The following PARD6B variants were observed in gnomAD, a reference collection of about 807,000 sequenced individuals.
PARD6B encodes partitioning defective 6 homolog beta.
PARD6B carries 4 observed loss-of-function variants against 10.5 expected under a neutral mutation model. That is an observed-to-expected ratio of 0.38 (90% CI 0.19 to 0.87). The LOEUF is 0.87. Ranked by LOEUF, PARD6B falls within the 40% of genes least tolerant of loss-of-function variation. The pLI is 0.41. For synonymous variants in PARD6B, 169 were observed against 170.4 expected (o/e 0.99, Z 0.07); for missense variants, 396 against 470.6 (o/e 0.84, Z 1.47).
In PARD6B at chr20:50,741,906, A is replaced by C. The variant is rs192621315; in HGVS notation, c.289+3827A>C. Among the ~76,000 whole-genome samples the C allele has an allele frequency of 2.1e-4, 32 of 152,178 alleles. No homozygotes were observed. In the East Asian group the frequency reaches 5.8e-3, roughly 28 times the overall value. ...TAACTAGAAATCTGATTTTATGTAA[A>C]CCTTAATGAACATTTAATTCAAGGA... On this transcript the variant is annotated intron_variant, in intron 2 of 2. Transcript: ENST00000371610.
Position 50,731,715 on chromosome 20 carries a change from C to T in PARD6B, c.-72C>T, listed in dbSNP as rs1483735882. ...GCAACCGCTTTCCGAGATCCCCAGTCGCGCACTCGCTCCCCGCGCTCCTGA... is the reference window on the plus strand; with the variant it reads ...GCAACCGCTTTCCGAGATCCCCAGTTGCGCACTCGCTCCCCGCGCTCCTGA... On this transcript the variant is annotated 5_prime_UTR_variant, in exon 1 of 3. Transcript: ENST00000371610. 4.6e-6 allele frequency: 6 copies of T among 1,317,918 alleles called. No homozygotes were observed. The African/African-American group carries it at 6.2e-5, about 14-fold the overall frequency. 81.6% of individuals were successfully genotyped at this position (1,317,918 alleles called of 1,614,324 possible).
intron 1 of PARD6B, among the ~76,000 whole-genome samples, chr20:50,737,034 A>G (rs538350022): frequency 6.6e-6 from 1 of 152,222 alleles, no homozygotes; most frequent in South Asian, 2.1e-4. Flanking sequence ...ACTTTTAATT[A>G]TTTGACATTG....
rs550975876 is a variant in PARD6B, at chr20:50,751,501, G to A, written c.*1013G>A. ...CTCCCAAGTAGCTGGGACTACAGGC[G>A]CCTGCCACCATGCCTGGCTAATTTT... On this transcript the variant is annotated 3_prime_UTR_variant, in exon 3 of 3. Coordinates refer to ENST00000371610, the MANE Select transcript of PARD6B (RefSeq NM_032521.3). 57 of 750,326 alleles carry A rather than the reference G, an allele frequency of 7.6e-5. No homozygotes were observed. The African/African-American group carries it at 1.0e-3, about 13-fold the overall frequency. 46.5% of individuals were successfully genotyped at this position (750,326 alleles called of 1,614,324 possible).
rs1239846795 is a variant in PARD6B at position 50,750,896 on chromosome 20, TGTG to T, written c.*411_*413del. 1 of 988,834 alleles carries T rather than the reference TGTG, an allele frequency of 1.0e-6. No homozygotes were observed. Among genetic ancestry groups the T allele is most frequent in the Admixed American group, 5.7e-5 (1 of 17,442 alleles). 61.3% of individuals were successfully genotyped at this position (988,834 alleles called of 1,614,324 possible). A position where few individuals can be genotyped will look rare whatever the true frequency, so the allele number is the denominator to read the frequency against. On this transcript the variant is annotated 3_prime_UTR_variant, in exon 3 of 3. Coordinates refer to ENST00000371610, the MANE Select transcript of PARD6B (RefSeq NM_032521.3). ...TCTAATGTGAAGTCTGATTCTCTCT[TGTG>T]GTACATTGGGGACCTCAGCTCTTAA... is the stretch of plus-strand genomic sequence containing the variant.
Position 50,750,822 on chromosome 20 carries a change from C to A in PARD6B, c.*334C>A. On this transcript the variant is annotated 3_prime_UTR_variant, in exon 3 of 3. Coordinates refer to ENST00000371610, the MANE Select transcript of PARD6B (RefSeq NM_032521.3). ...TGTTGGAAGTGGTTGCATATTTAAC[C>A]TGCTGTGCAGAGCCCAGTTAATTTT... 9.3e-7 allele frequency: 1 copy of A among 1,072,748 alleles called. No individual in the cohort carries two copies. Among genetic ancestry groups the A allele is most frequent in the Non-Finnish European group, 1.1e-6 (1 of 883,610 alleles). The allele number at this position is 1,072,748 out of a possible 1,614,324, so 66.5% of individuals were successfully genotyped here. A position where few individuals can be genotyped will look rare whatever the true frequency, so the allele number is the denominator to read the frequency against.
intron 2 of PARD6B, among the ~76,000 whole-genome samples, chr20:50,745,450 A>T (rs7272158): frequency 6.6e-6 from 1 of 152,040 alleles, no homozygotes; most frequent in Non-Finnish European, 1.5e-5. Flanking sequence ...ATCTCATTTA[A>T]CCATTTTATA....
chr20:50,746,895 A>G lies in PARD6B; in HGVS notation c.290-2764A>G, dbSNP rs78635981. ...CACAAATATGTATGATTTTGAGAAA[A>G]CACATTACCAGAAGACTATTCTTGA... On this transcript the variant is annotated intron_variant, in intron 2 of 2. Transcript: ENST00000371610. Among the ~76,000 whole-genome samples the G allele has an allele frequency of 6.7e-3, 1,026 of 152,282 alleles. 7 individuals are homozygous for G. The highest frequency in any genetic ancestry group is 0.02 in the Middle Eastern group (6 of 294).
Position 50,749,719 on chromosome 20 carries a change from C to T in PARD6B, c.350C>T (p.Thr117Ile). Reference sequence around the variant, plus strand: ...CTAATAAAGAAGAAGAATGTTTTAACCAACGTATTGCGTCCTGACAACCAT... The same window carrying T: ...CTAATAAAGAAGAAGAATGTTTTAATCAACGTATTGCGTCCTGACAACCAT... Reference protein sequence around the residue: ...DTLIKKKNVLTNVLRPDNHRK... With the variant: ...DTLIKKKNVLINVLRPDNHRK... Residue 117 changes from threonine (T) to isoleucine (I), a missense_variant, in exon 3 of 3, where the codon ACC (threonine) becomes ATC (isoleucine). Around this residue, in one of 2 missense-constraint regions of PARD6B, gnomAD observed 208 missense variants for 300.9 expected, o/e 0.69. Transcript: ENST00000371610. 1 of 1,613,354 alleles carries T rather than the reference C, an allele frequency of 6.2e-7. No homozygotes were observed. The highest frequency in any genetic ancestry group is 2.2e-5 in the East Asian group (1 of 44,890).
chr20:50,731,885 G>T (rs539508931), intron 1 of PARD6B, 33 bp downstream of exon 1: 1 of 1,391,428 alleles, frequency 7.2e-7, no homozygotes, highest in Non-Finnish European at 9.3e-7. Context: ...GGAGCGGCGG[G>T]CCTGGGGGGC....
At chr20:50,744,945 T>C (rs1370296422) in intron 2 of PARD6B, among the ~76,000 whole-genome samples, 2 of 152,212 alleles carry the variant, frequency 1.3e-5, no homozygotes, top group Non-Finnish European at 2.9e-5. Flanking sequence ...TCTCCTCTTT[T>C]AGATTGTAAG....
chr20:50,744,578 C>A (rs1470547331), intron 2 of PARD6B, among the ~76,000 whole-genome samples: 1 of 152,078 alleles, frequency 6.6e-6, no homozygotes, highest in Non-Finnish European at 1.5e-5. Flanking sequence ...TTGGTACTTC[C>A]CAGGAGGCCC....
chr20:50,749,698 TAAAG>T lies in PARD6B; in HGVS notation c.332_335del (p.Lys111ArgfsTer5). 3 of 1,610,990 alleles carry T rather than the reference TAAAG, an allele frequency of 1.9e-6. No homozygotes were observed. Among genetic ancestry groups the T allele is most frequent in the Non-Finnish European group, 2.5e-6 (3 of 1,179,198 alleles). On this transcript the variant is annotated frameshift_variant, in exon 3 of 3. Transcript: ENST00000371610. LOFTEE classifies it low-confidence loss of function (END_TRUNC). ...AGTGCCTTTGGTACAGACACGCTAA[TAAAG>T]AAGAAGAATGTTTTAACCAACGTAT...
chr20:50,735,667 G>GT (rs904046282), intron 1 of PARD6B, among the ~76,000 whole-genome samples: 8 of 151,300 alleles, frequency 5.3e-5, no homozygotes, highest in South Asian at 2.1e-4. Context: ...TTTCTCTTGG[G>GT]TTTTTTTTTC....
chr20:50,738,136 A>G (rs2087510461), intron 2 of PARD6B, 57 bp downstream of exon 2: 1 of 1,317,508 alleles, frequency 7.6e-7, no homozygotes, highest in African/African-American at 1.5e-5. Context: ...TATTTTCCCC[A>G]CTGAAAGGAT....
chr20:50,752,644 T>C lies in PARD6B; in HGVS notation c.*2156T>C. ...AGTTATTTATTAATTAACTTTATGG[T>C]AGGGCTAGTATGAATACCTTTTTAA... is the stretch of plus-strand genomic sequence containing the variant. On this transcript the variant is annotated 3_prime_UTR_variant, in exon 3 of 3. Coordinates refer to ENST00000371610, the MANE Select transcript of PARD6B (RefSeq NM_032521.3). 1 of 979,296 alleles carries C rather than the reference T, an allele frequency of 1.0e-6. No homozygotes were observed. The highest frequency in any genetic ancestry group is 1.2e-6 in the Non-Finnish European group (1 of 823,980). 60.7% of individuals were successfully genotyped at this position (979,296 alleles called of 1,614,324 possible). A position where few individuals can be genotyped will look rare whatever the true frequency, so the allele number is the denominator to read the frequency against.
rs556688996 is a variant in PARD6B, at chr20:50,750,698, G to A, written c.*210G>A. The A allele has an allele frequency of 1.2e-4, 159 of 1,347,158 alleles. No homozygotes were observed. In the South Asian group the frequency reaches 2.8e-3, roughly 23 times the overall value. 83.5% of individuals were successfully genotyped at this position (1,347,158 alleles called of 1,614,324 possible). ...GTGAATTTAAGTCCAAAACAAAGGGGCCTTTGCTGATGAAGTTACGTGCTT... is the reference window on the plus strand; with the variant it reads ...GTGAATTTAAGTCCAAAACAAAGGGACCTTTGCTGATGAAGTTACGTGCTT... On this transcript the variant is annotated 3_prime_UTR_variant, in exon 3 of 3. Coordinates refer to ENST00000371610, the MANE Select transcript of PARD6B (RefSeq NM_032521.3).
Position 50,753,526 on chromosome 20 carries a change from CT to C in PARD6B, c.*3042del, listed in dbSNP as rs1161426533. 2 of 922,472 alleles carry C rather than the reference CT, an allele frequency of 2.2e-6. No individual in the cohort carries two copies. Among genetic ancestry groups the C allele is most frequent in the African/African-American group, 3.6e-5 (2 of 55,706 alleles). 57.1% of individuals were successfully genotyped at this position (922,472 alleles called of 1,614,324 possible). A position where few individuals can be genotyped will look rare whatever the true frequency, so the allele number is the denominator to read the frequency against. ...TCGAGCTATCAACAAAATATATGTACTTTTGTGAGCTATGAATTTTCTAATT... is the reference window on the plus strand; with the variant it reads ...TCGAGCTATCAACAAAATATATGTACTTTGTGAGCTATGAATTTTCTAATT... On this transcript the variant is annotated 3_prime_UTR_variant, in exon 3 of 3. Coordinates refer to ENST00000371610, the MANE Select transcript of PARD6B (RefSeq NM_032521.3).
intron 2 of PARD6B, among the ~76,000 whole-genome samples, chr20:50,749,434 C>T (rs2087587440): frequency 1.3e-5 from 2 of 151,918 alleles, no homozygotes; most frequent in African/African-American, 4.8e-5. Flanking sequence ...TTAACTTCAA[C>T]ATTGGTTTAT....
At position 50,745,081 on chromosome 20, in the gene PARD6B, G is replaced by C. The variant is rs561008084; in HGVS notation, c.290-4578G>C. 3.2e-3 allele frequency among the ~76,000 whole-genome samples: 481 copies of C among 152,196 alleles called. 2 individuals are homozygous for C. Among genetic ancestry groups the C allele is most frequent in the Middle Eastern group, 6.8e-3 (2 of 294 alleles). The stretch of plus-strand genomic sequence containing the variant: ...AATTTTTCTGTATTAGGAATGAAGG[G>C]GTCTGCAAAATTTGAATATCTAATT... On this transcript the variant is annotated intron_variant, in intron 2 of 2. Transcript: ENST00000371610.
Sources: allele counts gnomAD v4.1 joint callset (sites outside exome capture counted in the v4.1 genomes callset), GRCh38; gene constraint gnomAD v4.1.1; regional missense constraint gnomAD v4.1.1; transcripts MANE v1.5; gene names NCBI Gene and HGNC (gene_info 2026-07-23, HGNC 2026-07-21).